PGBD5: variants seen among roughly 807,000 people sequenced by gnomAD.
PGBD5 encodes the protein piggyBac transposable element-derived protein 5.
Under a neutral mutation model 47.9 loss-of-function variants are expected in PGBD5, and 14 were observed. The ratio of observed to expected loss-of-function variants is 0.29; its 90% CI spans 0.19 to 0.46. The LOEUF (loss-of-function observed/expected upper bound fraction) is 0.46. Ranked by LOEUF, PGBD5 falls within the 20% of genes least tolerant of loss-of-function variation. The probability of loss-of-function intolerance (pLI) is 1.00; values close to 1 mark genes in which losing one functional copy is unlikely to be tolerated. For synonymous variants in PGBD5, 316 were observed against 306.3 expected (o/e 1.03, Z -0.33); for missense variants, 635 against 716.0 (o/e 0.89, Z 1.29).
chr1:230,341,727 C>T (rs904135689), intron 3 of PGBD5, among the ~76,000 whole-genome samples: 7 of 152,178 alleles, frequency 4.6e-5, no homozygotes, highest in Non-Finnish European at 7.3e-5. Flanking sequence ...GTTCCACCAA[C>T]GTGTGTAGAC....
intron 1 of PGBD5, among the ~76,000 whole-genome samples, chr1:230,392,867 C>T (rs903606906): frequency 1.3e-5 from 2 of 151,980 alleles, no homozygotes; most frequent in Non-Finnish European, 2.9e-5. Flanking sequence ...CACTAGACCC[C>T]GTGGGGTTCA....
rs199880446 is a variant in PGBD5 at position 230,315,997 on chromosome 1, A to T, written c.*7428T>A. 0.055 allele frequency: 4,680 copies of T among 85,346 alleles called. 787 individuals are homozygous for T. Among genetic ancestry groups the T allele is most frequent in the African/African-American group, 0.13 (2,700 of 20,826 alleles). 5.3% of individuals were successfully genotyped at this position (85,346 alleles called of 1,614,324 possible). ...ATATATGTATGTGTATACATACATA[A>T]GTATATGTGTACACATATATGTATG... On this transcript the variant is annotated 3_prime_UTR_variant, in exon 7 of 7. Coordinates refer to ENST00000391860, the MANE Select transcript of PGBD5 (RefSeq NM_001258311.2).
chr1:230,357,073 A>G lies in PGBD5; in HGVS notation c.580T>C (p.Tyr194His), dbSNP rs755309351. The change falls in exon 2 of 7, where the codon TAC becomes CAC. Residue 194 changes from tyrosine to histidine, a missense_variant. Tyr to His is a moderately conservative substitution (Grantham distance 83, BLOSUM62 2). Coordinates refer to ENST00000391860, the MANE Select transcript of PGBD5 (RefSeq NM_001258311.2). The surrounding 1 kb of genome is among the most constrained non-coding windows in gnomAD (Gnocchi z 5.7). ...SVLSIWSGGFYSNRSLALVMS... is the reference protein window; with the variant it reads ...SVLSIWSGGFHSNRSLALVMS... The stretch of plus-strand genomic sequence containing the variant: ...ACGAGGGCGAGGCTGCGGTTGCTGT[A>G]GAAGCCTCCGCTCCAGATGCTGAGG... 2 of 1,614,196 alleles carry G rather than the reference A, an allele frequency of 1.2e-6. No individual in the cohort carries two copies. The highest frequency in any genetic ancestry group is 4.5e-5 in the East Asian group (2 of 44,882).
chr1:230,406,251 T>G (rs902756282), intron 1 of PGBD5, among the ~76,000 whole-genome samples: 2 of 135,582 alleles, frequency 1.5e-5, no homozygotes, highest in African/African-American at 5.7e-5. Context: ...GAGCTTGCAG[T>G]GAGCCGAGAT....
intron 1 of PGBD5, among the ~76,000 whole-genome samples, chr1:230,383,595 C>T (rs1426483780): frequency 3.9e-5 from 6 of 152,092 alleles, no homozygotes; most frequent in Non-Finnish European, 8.8e-5. Context: ...TGGTCTTGAA[C>T]TCCTGGCTCA....
intron 1 of PGBD5, among the ~76,000 whole-genome samples, chr1:230,407,114 C>T (rs1310173214): frequency 1.3e-5 from 2 of 152,150 alleles, no homozygotes; most frequent in African/African-American, 2.4e-5. Context: ...GGATTACAGG[C>T]GTGAACCACC....
In PGBD5 at chr1:230,323,746, GC is replaced by G; in HGVS notation, c.1380-127del. ...GTTCGCCCCCGACAGAAGCAGGAGG[GC>G]TATGGGGGCAGGAGTCAGGCTTGGG... On this transcript the variant is annotated intron_variant, in intron 6 of 6. Transcript: ENST00000391860. The surrounding 1 kb of genome is among the most constrained non-coding windows in gnomAD (Gnocchi z 4.1). 3.5e-6 allele frequency: 3 copies of G among 867,538 alleles called. No individual in the cohort carries two copies. The highest frequency in any genetic ancestry group is 5.3e-6 in the Non-Finnish European group (3 of 566,200). The allele number at this position is 867,538 out of a possible 1,614,324, so 53.7% of individuals were successfully genotyped here.
chr1:230,387,891 G>T (rs1656685368), intron 1 of PGBD5, among the ~76,000 whole-genome samples: 1 of 152,150 alleles, frequency 6.6e-6, no homozygotes, highest in Non-Finnish European at 1.5e-5. Context: ...TACGCCGTAG[G>T]GTTACATAAT....
chr1:230,416,716 G>A (rs1034588657), intron 1 of PGBD5, among the ~76,000 whole-genome samples: 7 of 152,206 alleles, frequency 4.6e-5, no homozygotes, highest in Non-Finnish European at 8.8e-5. Context: ...TAGAGAGGAA[G>A]ACCAGGGTGG....
intron 5 of PGBD5, among the ~76,000 whole-genome samples, chr1:230,328,553 A>G (rs1335498215): frequency 6.6e-6 from 1 of 152,198 alleles, no homozygotes; most frequent in Non-Finnish European, 1.5e-5. Context: ...CGTGTATGTC[A>G]TGCACAGATT....
intron 1 of PGBD5, among the ~76,000 whole-genome samples, chr1:230,411,882 C>T (rs1257637763): frequency 6.6e-6 from 1 of 151,798 alleles, no homozygotes; most frequent in East Asian, 1.9e-4. Context: ...GCAACAAATG[C>T]TAAAAAGGCA....
intron 1 of PGBD5, chr1:230,367,877 A>C: frequency 7.7e-7 from 1 of 1,300,264 alleles, no homozygotes; most frequent in Non-Finnish European, 1.0e-6. Context: ...GCACAGGGCT[A>C]CCAGACTCCC....
chr1:230,358,125 C>T (rs1295398341), intron 1 of PGBD5, among the ~76,000 whole-genome samples: 7 of 152,208 alleles, frequency 4.6e-5, no homozygotes, highest in African/African-American at 1.4e-4. Context: ...AACACTCCCC[C>T]CAGACAGCAG....
At chr1:230,326,090 G>A (rs1311860323) in intron 5 of PGBD5, among the ~76,000 whole-genome samples, 1 of 152,198 alleles carries the variant, frequency 6.6e-6, no homozygotes, top group African/African-American at 2.4e-5. Context: ...TATGTGCCCC[G>A]TGAAAATGTG....
At chr1:230,388,572 C>T (rs1206319379) in intron 1 of PGBD5, among the ~76,000 whole-genome samples, 1 of 152,134 alleles carries the variant, frequency 6.6e-6, no homozygotes, top group African/African-American at 2.4e-5. Context: ...CCCGCCACCA[C>T]ACCCGGCTAA....
rs184693384 is a variant in PGBD5, at chr1:230,318,726, A to C, written c.*4699T>G. ...CTGATGAGACCCCACAGCTGGCTCC[A>C]CTCCCCCACCCCATCCCACTCTCCC... On this transcript the variant is annotated 3_prime_UTR_variant, in exon 7 of 7. Transcript: ENST00000391860. The C allele has an allele frequency of 0.013, 2,018 of 151,690 alleles. 17 individuals are homozygous for C. Among genetic ancestry groups the C allele is most frequent in the Non-Finnish European group, 0.017 (1,166 of 68,000 alleles). 9.4% of individuals were successfully genotyped at this position (151,690 alleles called of 1,614,324 possible). A position where few individuals can be genotyped will look rare whatever the true frequency, so the allele number is the denominator to read the frequency against.
chr1:230,353,234 G>A (rs993473516), intron 2 of PGBD5, among the ~76,000 whole-genome samples: 1 of 152,186 alleles, frequency 6.6e-6, no homozygotes, highest in Non-Finnish European at 1.5e-5. Context: ...TCTGTTACAT[G>A]ACTGTATCTC....
At chr1:230,372,830 G>T (rs1410391410) in intron 1 of PGBD5, among the ~76,000 whole-genome samples, 3 of 152,140 alleles carry the variant, frequency 2.0e-5, no homozygotes, top group African/African-American at 7.2e-5. Context: ...GAGGTGCTGG[G>T]CAATGATGTT....
chr1:230,357,286 C>CG lies in PGBD5; in HGVS notation c.366dup (p.Val123ArgfsTer135), dbSNP rs1667665075. 1 of 1,613,918 alleles carries CG rather than the reference C, an allele frequency of 6.2e-7. No individual in the cohort carries two copies. Among genetic ancestry groups the CG allele is most frequent in the African/African-American group, 1.3e-5 (1 of 74,904 alleles). Reference sequence around the variant, plus strand: ...GGGACAAAGAGCTGGAAGAAGTCCACGGCACTGGCGCTGGGGGGCATCTTT... The same window carrying CG: ...GGGACAAAGAGCTGGAAGAAGTCCACGGGCACTGGCGCTGGGGGGCATCTTT... On this transcript the variant is annotated frameshift_variant, in exon 2 of 7. Coordinates refer to ENST00000391860, the MANE Select transcript of PGBD5 (RefSeq NM_001258311.2). LOFTEE classifies it high-confidence loss of function. The surrounding 1 kb of genome is among the most constrained non-coding windows in gnomAD (Gnocchi z 5.7).
Sources: allele counts gnomAD v4.1 joint callset (sites outside exome capture counted in the v4.1 genomes callset), GRCh38; gene constraint gnomAD v4.1.1; non-coding constraint Gnocchi (gnomAD v3.1); transcripts MANE v1.5; gene names NCBI Gene and HGNC (gene_info 2026-07-23, HGNC 2026-07-21).